The following CPQ variants were observed in gnomAD, a reference collection of about 807,000 sequenced individuals.
The protein encoded by CPQ is carboxypeptidase Q, also known as Ser-Met dipeptidase.
In CPQ, 37 loss-of-function variants were observed where a neutral mutation model predicts 45.7. That is an observed-to-expected ratio of 0.81 (90% CI 0.62 to 1.07). The LOEUF is 1.07. CPQ is among the 50% of genes least tolerant of loss of function. The probability of loss-of-function intolerance (pLI) is 0.00; values close to 1 mark genes in which losing one functional copy is unlikely to be tolerated. For missense variants in CPQ, 537 were observed against 572.9 expected (o/e 0.94, Z 0.64); for synonymous variants, 186 against 205.8 (o/e 0.90, Z 0.82).
chr8:96,729,747 T>A (rs1809886180), intron 1 of CPQ, among the ~76,000 whole-genome samples: 1 of 152,220 alleles, frequency 6.6e-6, no homozygotes, highest in African/African-American at 2.4e-5. Flanking sequence ...CTTAATGTCC[T>A]GTAGTACTGC....
At chr8:97,092,005 C>G (rs1264046002) in intron 7 of CPQ, among the ~76,000 whole-genome samples, 2 of 152,108 alleles carry the variant, frequency 1.3e-5, no homozygotes, top group Non-Finnish European at 2.9e-5. Flanking sequence ...ACACATGATT[C>G]CTACCATTTA....
chr8:96,680,287 T>C (rs1032617341), intron 1 of CPQ, among the ~76,000 whole-genome samples: 2 of 152,178 alleles, frequency 1.3e-5, no homozygotes, highest in Non-Finnish European at 2.9e-5. Context: ...CCAACTGATA[T>C]GGTTTGGCTG....
chr8:96,814,269 T>A (rs1430022348), intron 2 of CPQ, among the ~76,000 whole-genome samples: 1 of 152,166 alleles, frequency 6.6e-6, no homozygotes, highest in Admixed American at 6.5e-5. Flanking sequence ...TCACAGGAAC[T>A]CTTTATCACT....
intron 7 of CPQ, among the ~76,000 whole-genome samples, chr8:97,089,015 G>C (rs183194669): frequency 3.3e-5 from 5 of 152,070 alleles, no homozygotes; most frequent in Non-Finnish European, 5.9e-5. Flanking sequence ...AGGCCAAGGC[G>C]GGTGGATCAC....
intron 1 of CPQ, among the ~76,000 whole-genome samples, chr8:96,687,149 TTTTTCTTTTC>T (rs539313283): frequency 9.1e-4 from 138 of 151,612 alleles, no homozygotes; most frequent in Non-Finnish European, 1.3e-3. Flanking sequence ...TCACATTCCA[TTTTTCTTTTC>T]TTTTCTTTTC....
chr8:96,685,165 G>A (rs2130732559), intron 1 of CPQ, among the ~76,000 whole-genome samples: 1 of 112,798 alleles, frequency 8.9e-6, no homozygotes, highest in East Asian at 2.3e-4. Flanking sequence ...AGTGTTTTAT[G>A]ATTTATAAAT....
intron 4 of CPQ, among the ~76,000 whole-genome samples, chr8:96,934,591 T>C (rs1174836295): frequency 6.6e-6 from 1 of 152,190 alleles, no homozygotes; most frequent in Non-Finnish European, 1.5e-5. Flanking sequence ...TCATTGAAGT[T>C]AGTCTGTGCG....
chr8:96,892,251 T>G (rs993938659), intron 4 of CPQ, among the ~76,000 whole-genome samples: 8 of 152,208 alleles, frequency 5.3e-5, no homozygotes, highest in Non-Finnish European at 1.0e-4. Context: ...AAACCAAACC[T>G]GATTGGCCTG....
chr8:96,797,479 T>C (rs1233565894), intron 2 of CPQ, among the ~76,000 whole-genome samples: 1 of 152,186 alleles, frequency 6.6e-6, no homozygotes. Flanking sequence ...AGCATTGTGG[T>C]CCTCTGTGGT....
chr8:96,926,576 C>CT (rs1812882233), intron 4 of CPQ, among the ~76,000 whole-genome samples: 2,720 of 75,000 alleles, frequency 0.036, 81 homozygotes, highest in Middle Eastern at 0.048. Context: ...CTTCCTCTTC[C>CT]TCTTCTTCTT....
intron 1 of CPQ, among the ~76,000 whole-genome samples, chr8:96,733,920 A>G (rs1037971908): frequency 2.6e-5 from 4 of 152,176 alleles, no homozygotes; most frequent in African/African-American, 7.2e-5. Flanking sequence ...CAGTTAGACT[A>G]TCTTCTTTAT....
At chr8:97,048,600 C>T (rs1049064789) in intron 6 of CPQ, among the ~76,000 whole-genome samples, 2 of 152,190 alleles carry the variant, frequency 1.3e-5, no homozygotes, top group African/African-American at 2.4e-5. Context: ...CTTTCCCAAA[C>T]TGTTTTCTGA....
chr8:96,902,130 A>G (rs1249347541), intron 4 of CPQ, among the ~76,000 whole-genome samples: 1 of 152,178 alleles, frequency 6.6e-6, no homozygotes, highest in African/African-American at 2.4e-5. Flanking sequence ...GACTGGGATC[A>G]GTTCAGGAGG....
At chr8:96,733,856 G>A (rs1020126323) in intron 1 of CPQ, among the ~76,000 whole-genome samples, 9 of 152,212 alleles carry the variant, frequency 5.9e-5, no homozygotes, top group Non-Finnish European at 8.8e-5. Flanking sequence ...CATATTCACA[G>A]CCTTAGAAAA....
At chr8:96,859,574 T>C (rs945270363) in intron 3 of CPQ, among the ~76,000 whole-genome samples, 11 of 152,196 alleles carry the variant, frequency 7.2e-5, no homozygotes, top group Non-Finnish European at 1.6e-4. Context: ...CTCTGAAATC[T>C]TTCCTTTCTA....
chr8:96,645,588 G>A (rs1815508736), intron 1 of CPQ, among the ~76,000 whole-genome samples, 186 bp downstream of exon 1: 1 of 152,078 alleles, frequency 6.6e-6, no homozygotes, highest in Admixed American at 6.5e-5. Flanking sequence ...CGGGTTGGGA[G>A]CCTGTGGCTG....
Position 97,052,961 on chromosome 8 carries a change from G to A in CPQ, c.1054-13048G>A, listed in dbSNP as rs556576155. Among the ~76,000 whole-genome samples, 4 of 152,264 alleles carry A rather than the reference G, an allele frequency of 2.6e-5. No homozygotes were observed. In the South Asian group the frequency reaches 8.3e-4, roughly 32 times the overall value. ...AGCTAATAACTTTAATTGTGGAACT[G>A]TAGGTTTTCTTGAGAACATTTTTTT... On this transcript the variant is annotated intron_variant, in intron 6 of 7. Transcript: ENST00000220763.
At chr8:97,040,624 G>A (rs1174376649) in intron 6 of CPQ, among the ~76,000 whole-genome samples, 17 of 152,288 alleles carry the variant, frequency 1.1e-4, no homozygotes, top group Admixed American at 9.2e-4. Flanking sequence ...TAGTTCTAAC[G>A]TTTAAGTCTT....
rs1554573253 is a variant in CPQ at position 96,854,557 on chromosome 8, A to AAAACAC, written c.641+19379_641+19380insACACAA. The stretch of plus-strand genomic sequence containing the variant: ...AAAAAAAAAAAAAAAAAAAAAAAAA[A>AAAACAC]AATGTGGTGGAACTAAAAGCCCAGT... On this transcript the variant is annotated intron_variant, in intron 3 of 7. Transcript: ENST00000220763. Among the ~76,000 whole-genome samples the AAAACAC allele has an allele frequency of 7.4e-3, 568 of 76,876 alleles. 126 individuals are homozygous for AAAACAC. Among genetic ancestry groups the AAAACAC allele is most frequent in the African/African-American group, 0.017 (331 of 20,032 alleles). 50.4% of individuals were successfully genotyped at this position (76,876 alleles called of 152,430 possible).
Sources: allele counts gnomAD v4.1 joint callset (sites outside exome capture counted in the v4.1 genomes callset), GRCh38; gene constraint gnomAD v4.1.1; transcripts MANE v1.5; gene names NCBI Gene and HGNC (gene_info 2026-07-23, HGNC 2026-07-21).